PTPRN2: variants seen among roughly 807,000 people sequenced by gnomAD.
PTPRN2 encodes the protein protein tyrosine phosphatase receptor type N2.
In PTPRN2, 74 loss-of-function variants were observed where a neutral mutation model predicts 118.8. That is an observed-to-expected ratio of 0.62 (90% CI 0.52 to 0.76). The LOEUF (loss-of-function observed/expected upper bound fraction) is 0.76. Ranked by LOEUF, PTPRN2 falls within the 30% of genes least tolerant of loss-of-function variation. PTPRN2 has a pLI of 0.00. For missense variants in PTPRN2, 1,481 were observed against 1,394.4 expected, an observed-to-expected ratio of 1.06 and a Z score of -0.99; for synonymous variants, 641 against 608.0, an observed-to-expected ratio of 1.05 and a Z score of -0.80.
rs1202452404 is a variant in PTPRN2, at chr7:157,595,513, A to AGGTTAGGAAGCCTGGT, written c.2419-199_2419-198insACCAGGCTTCCTAACC. On this transcript the variant is annotated intron_variant, in intron 16 of 22. Coordinates refer to ENST00000389418, the MANE Select transcript of PTPRN2 (RefSeq NM_002847.5). ...GAAGCCTGGTGTTTAGGAAGCCCGG[A>AGGTTAGGAAGCCTGGT]GGTTAGGAAGCCAGAAGGTTAGGAA... Among the ~76,000 whole-genome samples, 24 of 113,450 alleles carry AGGTTAGGAAGCCTGGT rather than the reference A, an allele frequency of 2.1e-4. 1 individual carries two copies. The highest frequency in any genetic ancestry group is 9.6e-4 in the African/African-American group (24 of 24,934). 74.4% of individuals were successfully genotyped at this position (113,450 alleles called of 152,430 possible). A position where few individuals can be genotyped will look rare whatever the true frequency, so the allele number is the denominator to read the frequency against.
chr7:157,556,012 G>A (rs1397710827), intron 21 of PTPRN2, among the ~76,000 whole-genome samples: 1 of 152,184 alleles, frequency 6.6e-6, no homozygotes, highest in African/African-American at 2.4e-5. Context: ...AGCTCTCCAT[G>A]TCAGCCGAGG....
chr7:158,083,791 G>A (rs968022549), intron 10 of PTPRN2, among the ~76,000 whole-genome samples: 3 of 152,178 alleles, frequency 2.0e-5, no homozygotes, highest in Non-Finnish European at 4.4e-5. Context: ...AGGTGCCTGC[G>A]GTCACGGTGC....
intron 12 of PTPRN2, among the ~76,000 whole-genome samples, chr7:157,848,140 T>C (rs867627875): frequency 4.7e-5 from 7 of 148,400 alleles, no homozygotes. Context: ...GTGTGCCTGA[T>C]GTTTACAGAG....
intron 12 of PTPRN2, among the ~76,000 whole-genome samples, chr7:157,796,018 T>C (rs993782886): frequency 2.6e-5 from 4 of 152,234 alleles, no homozygotes; most frequent in Non-Finnish European, 5.9e-5. Flanking sequence ...CTACCCTTCC[T>C]GGCTGGAGAA....
At chr7:158,386,551 C>T (rs1811398645) in intron 2 of PTPRN2, among the ~76,000 whole-genome samples, 6 of 152,140 alleles carry the variant, frequency 3.9e-5, no homozygotes, top group Admixed American at 3.9e-4. Context: ...GAGCTTATAG[C>T]TATGGATGGG....
chr7:158,226,062 T>C (rs150697614), intron 3 of PTPRN2, among the ~76,000 whole-genome samples: 1 of 152,254 alleles, frequency 6.6e-6, no homozygotes, highest in African/African-American at 2.4e-5. Context: ...AGTAACAATA[T>C]TAAAATTAAA....
intron 6 of PTPRN2, among the ~76,000 whole-genome samples, chr7:158,151,710 C>T (rs1301000153): frequency 5.3e-5 from 8 of 152,082 alleles, no homozygotes. Context: ...CCCAATCTTC[C>T]TCCCTCCCTC....
chr7:157,561,127 T>C (rs1205188987), intron 21 of PTPRN2, among the ~76,000 whole-genome samples: 1 of 151,770 alleles, frequency 6.6e-6, no homozygotes, highest in Non-Finnish European at 1.5e-5. Flanking sequence ...TGCCCAGCCA[T>C]GCCATCCCCT....
intron 3 of PTPRN2, among the ~76,000 whole-genome samples, chr7:158,249,168 G>A (rs1404287194): frequency 6.6e-6 from 1 of 151,278 alleles, no homozygotes. Context: ...CCACACACGT[G>A]CACACAGCAC....
chr7:158,330,672 G>C, intron 2 of PTPRN2, among the ~76,000 whole-genome samples: 1 of 111,362 alleles, frequency 9.0e-6, no homozygotes, highest in Non-Finnish European at 2.1e-5. Context: ...CACAATAAGA[G>C]CTGAGGCACA....
chr7:157,951,670 G>A (rs569471474), intron 11 of PTPRN2, among the ~76,000 whole-genome samples: 19 of 152,326 alleles, frequency 1.2e-4, no homozygotes, highest in African/African-American at 3.6e-4. Context: ...CTCCGCTTCC[G>A]CAGTCTTCAG....
chr7:157,805,084 G>T (rs10242980), intron 12 of PTPRN2, among the ~76,000 whole-genome samples: 89 of 152,226 alleles, frequency 5.8e-4, no homozygotes, highest in African/African-American at 2.1e-3. Flanking sequence ...AAGGCCACAG[G>T]ATACAGATAA....
At position 158,512,202 on chromosome 7, in the gene PTPRN2, TA is replaced by T. The variant is rs1823230850; in HGVS notation, c.113-22418del. 2.0e-5 allele frequency among the ~76,000 whole-genome samples: 3 copies of T among 152,118 alleles called. No homozygotes were observed. The South Asian group carries it at 6.2e-4, about 32-fold the overall frequency. Reference sequence around the variant, plus strand: ...TAGCTCTGGAAACGAGCAGAGCCTGTAAAACTGAAAGGAAAAGATCCTGTCT... The same window carrying T: ...TAGCTCTGGAAACGAGCAGAGCCTGTAAACTGAAAGGAAAAGATCCTGTCT... On this transcript the variant is annotated intron_variant, in intron 1 of 22. Transcript: ENST00000389418.
intron 12 of PTPRN2, among the ~76,000 whole-genome samples, chr7:157,895,566 T>C (rs773192325): frequency 6.6e-6 from 1 of 152,184 alleles, no homozygotes; most frequent in African/African-American, 2.4e-5. Context: ...TTTTTCTAAG[T>C]GAAAAATACA....
intron 2 of PTPRN2, among the ~76,000 whole-genome samples, chr7:158,467,280 T>G (rs1010693400): frequency 1.3e-5 from 1 of 77,546 alleles, no homozygotes; most frequent in African/African-American, 4.0e-5. Flanking sequence ...TTTTGGCTTT[T>G]GGGTTTTTTT....
chr7:158,131,334 C>CACAT (rs1368509653), intron 9 of PTPRN2, among the ~76,000 whole-genome samples: 1 of 151,242 alleles, frequency 6.6e-6, no homozygotes. Context: ...CACACTCATA[C>CACAT]ACATGCACAT....
At chr7:157,843,267 GGT>G (rs1422022321) in intron 12 of PTPRN2, among the ~76,000 whole-genome samples, 5 of 152,150 alleles carry the variant, frequency 3.3e-5, no homozygotes, top group African/African-American at 1.2e-4. Flanking sequence ...TAACCTAATT[GGT>G]AATCAGAAAT....
At chr7:158,314,473 T>C (rs769024937) in intron 3 of PTPRN2, among the ~76,000 whole-genome samples, 25 of 152,376 alleles carry the variant, frequency 1.6e-4, no homozygotes, top group South Asian at 4.1e-4. Flanking sequence ...TCATCTACAT[T>C]GATACCCATA....
chr7:157,673,371 C>T (rs1796504794), intron 13 of PTPRN2, among the ~76,000 whole-genome samples: 2 of 152,180 alleles, frequency 1.3e-5, no homozygotes, highest in African/African-American at 2.4e-5. Context: ...AGAAAAGCCA[C>T]GGAGACGTTA....
Sources: gnomAD v4.1 joint callset for allele counts (sites outside exome capture counted in the v4.1 genomes callset) on GRCh38, gnomAD v4.1.1 for gene constraint, MANE v1.5 for transcripts, NCBI Gene and HGNC (gene_info 2026-07-23, HGNC 2026-07-21) for gene names.